Variants in ZNF521 observed in about 807,000 individuals in gnomAD.
ZNF521 encodes zinc finger protein 521.
ZNF521 carries 14 observed loss-of-function variants against 105.5 expected under a neutral mutation model. The ratio of observed to expected loss-of-function variants is 0.13; its 90% CI spans 0.09 to 0.21. The LOEUF (loss-of-function observed/expected upper bound fraction) is 0.21, where lower values mean the gene tolerates loss of function less well. Ranked by LOEUF, ZNF521 falls within the 10% of genes least tolerant of loss-of-function variation. The probability of loss-of-function intolerance (pLI) is 1.00; values close to 1 mark genes in which losing one functional copy is unlikely to be tolerated. For missense variants in ZNF521, 1,233 were observed against 1,629.7 expected, an observed-to-expected ratio of 0.76 and a Z score of 4.19; for synonymous variants, 635 against 606.0, an observed-to-expected ratio of 1.05 and a Z score of -0.70.
chr18:25,340,269 C>T (rs56948618), intron 2 of ZNF521, among the ~76,000 whole-genome samples: 3,010 of 152,144 alleles, frequency 0.02, 103 homozygotes, highest in African/African-American at 0.067. Context: ...GTGAGAGGAT[C>T]GCTTGAACCC....
In ZNF521 at chr18:25,173,511, C is replaced by G. The variant is rs1469022545; in HGVS notation, c.3658+21649G>C. 2.6e-5 allele frequency among the ~76,000 whole-genome samples: 4 copies of G among 152,266 alleles called. No individual in the cohort carries two copies. In the East Asian group the frequency reaches 7.7e-4, roughly 29 times the overall value. On this transcript the variant is annotated intron_variant, in intron 5 of 7. Coordinates refer to ENST00000361524, the MANE Select transcript of ZNF521 (RefSeq NM_015461.3). ...ACCTGACTGTTTAAGGCAACCACCC[C>G]ACGTGCACTTCTCATTTTGGGGTGG...
chr18:25,266,134 G>C (rs1358295437), intron 3 of ZNF521, among the ~76,000 whole-genome samples: 1 of 152,032 alleles, frequency 6.6e-6, no homozygotes, highest in South Asian at 2.1e-4. Context: ...AGCATAACAG[G>C]GTGACTATAG....
chr18:25,352,107 T>C lies in ZNF521; in HGVS notation c.-104A>G. On this transcript the variant is annotated 5_prime_UTR_variant, in exon 1 of 8. Coordinates refer to ENST00000361524, the MANE Select transcript of ZNF521 (RefSeq NM_015461.3). ...TCAGGATGGCTCCAGAGGGGGCCCCTAACCCGCAGGGACTCGCTCTGTACG... is the reference window on the plus strand; with the variant it reads ...TCAGGATGGCTCCAGAGGGGGCCCCCAACCCGCAGGGACTCGCTCTGTACG... 1 of 480,300 alleles carries C rather than the reference T, an allele frequency of 2.1e-6. No homozygotes were observed. Among genetic ancestry groups the C allele is most frequent in the Non-Finnish European group, 4.2e-6 (1 of 238,022 alleles). 29.8% of individuals were successfully genotyped at this position (480,300 alleles called of 1,614,324 possible). A position where few individuals can be genotyped will look rare whatever the true frequency, so the allele number is the denominator to read the frequency against.
chr18:25,323,941 A>G (rs555677970), intron 2 of ZNF521, among the ~76,000 whole-genome samples: 1 of 152,156 alleles, frequency 6.6e-6, no homozygotes, highest in East Asian at 1.9e-4. Context: ...AAAAAGCAAA[A>G]TTCCCATCTC....
At chr18:25,188,839 A>G (rs1291683163) in intron 5 of ZNF521, among the ~76,000 whole-genome samples, 1 of 152,222 alleles carries the variant, frequency 6.6e-6, no homozygotes, top group Non-Finnish European at 1.5e-5. Context: ...CTTTAGGGGC[A>G]GTGTGTTCTA....
intron 3 of ZNF521, among the ~76,000 whole-genome samples, chr18:25,251,959 C>T (rs1908151536): frequency 6.6e-6 from 1 of 152,140 alleles, no homozygotes; most frequent in Admixed American, 6.5e-5. Context: ...TTAAATTCTG[C>T]TCCACAATCA....
chr18:25,067,060 C>T (rs1431336605), intron 7 of ZNF521, among the ~76,000 whole-genome samples: 1 of 152,116 alleles, frequency 6.6e-6, no homozygotes, highest in African/African-American at 2.4e-5. Flanking sequence ...AAGAAAACTT[C>T]TGTAATCCCA....
chr18:25,210,945 A>G (rs1041878804), intron 4 of ZNF521, among the ~76,000 whole-genome samples: 2 of 152,246 alleles, frequency 1.3e-5, no homozygotes, highest in African/African-American at 4.8e-5. Context: ...TACAAACCTG[A>G]TAGCTAATGC....
At chr18:25,253,744 C>T (rs1263861972) in intron 3 of ZNF521, among the ~76,000 whole-genome samples, 1 of 152,046 alleles carries the variant, frequency 6.6e-6, no homozygotes, top group East Asian at 1.9e-4. Flanking sequence ...AAATGATCAG[C>T]ATGTAATTTG....
chr18:25,313,120 C>G (rs1298288144), intron 3 of ZNF521, among the ~76,000 whole-genome samples: 1 of 152,122 alleles, frequency 6.6e-6, no homozygotes, highest in Non-Finnish European at 1.5e-5. Context: ...AAATAGCCAT[C>G]CAGGTACTAA....
intron 3 of ZNF521, among the ~76,000 whole-genome samples, chr18:25,262,049 G>A (rs1359497302): frequency 6.6e-6 from 1 of 152,102 alleles, no homozygotes; most frequent in Admixed American, 6.6e-5. Context: ...ATGGACAATA[G>A]CTTTTGCCTT....
intron 3 of ZNF521, among the ~76,000 whole-genome samples, chr18:25,235,504 C>T (rs974964947): frequency 3.3e-5 from 5 of 152,084 alleles, no homozygotes; most frequent in Admixed American, 6.6e-5. Flanking sequence ...TGCCATAAAC[C>T]ACCAGAATTT....
At chr18:25,090,142 A>T (rs1370055642) in intron 6 of ZNF521, among the ~76,000 whole-genome samples, 2 of 152,148 alleles carry the variant, frequency 1.3e-5, no homozygotes, top group Admixed American at 6.5e-5. Flanking sequence ...TAATATAAAC[A>T]TGTTCAATTT....
At position 25,062,549 on chromosome 18, in the gene ZNF521, A is replaced by G; in HGVS notation, c.*163T>C. ...ACAAGGGGTCTATCCGGTGCGCAAA[A>G]GTTCAAACACATGAACATCCAACAG... On this transcript the variant is annotated 3_prime_UTR_variant, in exon 8 of 8. Transcript: ENST00000361524. 1.0e-6 allele frequency: 1 copy of G among 958,104 alleles called. No individual in the cohort carries two copies. The allele number at this position is 958,104 out of a possible 1,614,324, so 59.4% of individuals were successfully genotyped here.
At chr18:25,083,325 T>C (rs377723562) in intron 7 of ZNF521, among the ~76,000 whole-genome samples, 5 of 152,202 alleles carry the variant, frequency 3.3e-5, no homozygotes, top group Non-Finnish European at 4.4e-5. Context: ...ATATGACTCA[T>C]TGCAAAATTA....
intron 3 of ZNF521, among the ~76,000 whole-genome samples, chr18:25,316,323 TAAAA>T (rs377173156): frequency 7.8e-5 from 7 of 90,252 alleles, no homozygotes; most frequent in Admixed American, 1.1e-4. Flanking sequence ...AAAACGAATT[TAAAA>T]AAAAAAAAAA....
intron 3 of ZNF521, among the ~76,000 whole-genome samples, chr18:25,307,907 A>C (rs1256354189): frequency 1.3e-5 from 2 of 152,126 alleles, no homozygotes; most frequent in Non-Finnish European, 2.9e-5. Context: ...TAAGCTAAGA[A>C]GTGGATACCC....
At chr18:25,318,786 CATATT>C (rs1039970495) in intron 3 of ZNF521, among the ~76,000 whole-genome samples, 3 of 151,830 alleles carry the variant, frequency 2.0e-5, no homozygotes, top group Admixed American at 6.6e-5. Flanking sequence ...TTTTATGAGC[CATATT>C]ATGAGTGTAT....
At chr18:25,111,668 C>G (rs2034192900) in intron 5 of ZNF521, among the ~76,000 whole-genome samples, 1 of 152,162 alleles carries the variant, frequency 6.6e-6, no homozygotes, top group African/African-American at 2.4e-5. Flanking sequence ...GTGATGCTTT[C>G]CTTCTTTTTA....
Sources: allele counts gnomAD v4.1 joint callset (sites outside exome capture counted in the v4.1 genomes callset), GRCh38; gene constraint gnomAD v4.1.1; transcripts MANE v1.5; gene names NCBI Gene and HGNC (gene_info 2026-07-23, HGNC 2026-07-21).